The following PTCD1 variants were observed in gnomAD, a reference collection of about 807,000 sequenced individuals.
PTCD1 encodes the protein pentatricopeptide repeat domain 1, also known as pentatricopeptide repeat-containing protein 1, mitochondrial.
PTCD1 carries 50 observed loss-of-function variants against 53.4 expected under a neutral mutation model. The observed-to-expected ratio is 0.94, with a 90% CI of 0.75 to 1.19. PTCD1 has a LOEUF of 1.19. Ranked by LOEUF, PTCD1 falls within the 50% of genes most tolerant of loss-of-function variation. PTCD1 has a pLI of 0.00. For synonymous variants in PTCD1, 413 were observed against 394.8 expected, an observed-to-expected ratio of 1.05 and a Z score of -0.55; for missense variants, 918 against 904.8, an observed-to-expected ratio of 1.01 and a Z score of -0.19.
At chr7:99,438,359 C>T (rs913785932) in intron 1 of PTCD1, among the ~76,000 whole-genome samples, 1 of 151,706 alleles carries the variant, frequency 6.6e-6, no homozygotes, top group Non-Finnish European at 1.5e-5. Flanking sequence ...TCCAGCTACT[C>T]GGGAGGCTGA....
At position 99,419,384 on chromosome 7, in the gene PTCD1, G is replaced by A. The variant is rs769597341; in HGVS notation, c.*583C>T. 1.2e-5 allele frequency: 19 copies of A among 1,612,902 alleles called. No homozygotes were observed. Among genetic ancestry groups the A allele is most frequent in the Admixed American group, 5.0e-5 (3 of 59,990 alleles). On this transcript the variant is annotated 3_prime_UTR_variant, in exon 8 of 8. Transcript: ENST00000292478. ...TGGCATCGTCTCACTGTCCTCCTCC[G>A]TTGCAGGGCCGCATCATCGAGTGCA...
At chr7:99,425,992 G>T (rs1584457112) in intron 5 of PTCD1, among the ~76,000 whole-genome samples, 1 of 152,316 alleles carries the variant, frequency 6.6e-6, no homozygotes, top group East Asian at 1.9e-4. Context: ...CTTGAACCCA[G>T]AGATCGAGGT....
At chr7:99,432,479 T>C (rs1796296948) in intron 3 of PTCD1, among the ~76,000 whole-genome samples, 1 of 152,198 alleles carries the variant, frequency 6.6e-6, no homozygotes, top group African/African-American at 2.4e-5. Flanking sequence ...CATATTTTCC[T>C]GCTGACCCTC....
In PTCD1 at chr7:99,434,774, C is replaced by G; in HGVS notation, c.453+16G>C. On this transcript the variant is annotated intron_variant, in intron 2 of 7. Transcript: ENST00000292478. Reference sequence around the variant, plus strand: ...GGAAAGAAGCCAGGAGCCACAGAACCCAAAGTGCCCCTTACCTTCCCTTCC... The same window carrying G: ...GGAAAGAAGCCAGGAGCCACAGAACGCAAAGTGCCCCTTACCTTCCCTTCC... The G allele has an allele frequency of 6.2e-7, 1 of 1,613,592 alleles. No homozygotes were observed. The highest frequency in any genetic ancestry group is 1.3e-5 in the African/African-American group (1 of 74,984).
At position 99,419,973 on chromosome 7, in the gene PTCD1, G is replaced by A. The variant is rs778903715; in HGVS notation, c.2097C>T (p.Gly699=). Residue 699 remains glycine (G), a synonymous_variant, in exon 8 of 8, where the codon GGC becomes GGT. Coordinates refer to ENST00000292478, the MANE Select transcript of PTCD1 (RefSeq NM_015545.4). ...KEADDGCALG[G]R ...TGTTCCAGCTGTGCTCCCATCACCT[G>A]CCCCCAAGGGCACATCCGTCATCAG... 11 of 1,614,070 alleles carry A rather than the reference G, an allele frequency of 6.8e-6. No homozygotes were observed. Among genetic ancestry groups the A allele is most frequent in the Non-Finnish European group, 8.5e-6 (10 of 1,180,040 alleles).
intron 2 of PTCD1, among the ~76,000 whole-genome samples, chr7:99,433,878 C>A (rs1207461900): frequency 6.6e-6 from 1 of 151,652 alleles, no homozygotes; most frequent in Non-Finnish European, 1.5e-5. Flanking sequence ...ATGGTGAAAC[C>A]CCGTCTCTAC....
At chr7:99,433,467 C>T in intron 2 of PTCD1, 49 bp from the exon 3 acceptor site, 1 of 1,613,336 alleles carries the variant, frequency 6.2e-7, no homozygotes, top group Non-Finnish European at 8.5e-7. Context: ...CCCCAGAGAC[C>T]CTCAGCAGAG....
Position 99,419,663 on chromosome 7 carries a change from G to T in PTCD1, c.*304C>A. On this transcript the variant is annotated 3_prime_UTR_variant, in exon 8 of 8. Transcript: ENST00000292478. ...AGCATCGGCCTATGGAACCCGGCGG[G>T]GCGGCCCAGGCCCCAGGGACCAGAT... 1.4e-6 allele frequency: 1 copy of T among 714,158 alleles called. No individual in the cohort carries two copies. Among genetic ancestry groups the T allele is most frequent in the Admixed American group, 2.9e-5 (1 of 34,904 alleles). The allele number at this position is 714,158 out of a possible 1,614,324, so 44.2% of individuals were successfully genotyped here.
At chr7:99,429,873 C>CAGAGG in intron 3 of PTCD1, 67 bp from the exon 4 acceptor site, 2 of 1,594,826 alleles carry the variant, frequency 1.3e-6, no homozygotes, top group South Asian at 1.1e-5. Context: ...GCAGCTGCCC[C>CAGAGG]AGAGGAGGCT....
chr7:99,428,364 C>T (rs1409428634), intron 5 of PTCD1, among the ~76,000 whole-genome samples: 1 of 144,396 alleles, frequency 6.9e-6, no homozygotes, highest in Non-Finnish European at 1.5e-5. Flanking sequence ...GATCATGCCA[C>T]TGTACTCCAG....
intron 2 of PTCD1, 43 bp downstream of exon 2, chr7:99,434,747 G>C (rs1210947843): frequency 1.2e-6 from 2 of 1,611,976 alleles, no homozygotes; most frequent in Non-Finnish European, 8.5e-7. Context: ...TGAGCCACCA[G>C]GGGAAAGAAG....
intron 2 of PTCD1, 132 bp downstream of exon 2, chr7:99,434,658 C>T: frequency 2.7e-6 from 3 of 1,121,368 alleles, no homozygotes; most frequent in Non-Finnish European, 4.0e-6. Flanking sequence ...GCGATACTTA[C>T]AGCCATAAGG....
chr7:99,435,360 C>A (rs1796420207), intron 1 of PTCD1, 92 bp from the exon 2 acceptor site: 3 of 1,505,774 alleles, frequency 2.0e-6, no homozygotes, highest in Non-Finnish European at 1.8e-6. Context: ...GGGCCCAGGC[C>A]AGGCGCGGTG....
Position 99,423,799 on chromosome 7 carries a change from G to C in PTCD1, c.1896C>G (p.Ala632=). 6 of 1,614,124 alleles carry C rather than the reference G, an allele frequency of 3.7e-6. No individual in the cohort carries two copies. Among genetic ancestry groups the C allele is most frequent in the Non-Finnish European group, 5.1e-6 (6 of 1,180,032 alleles). ...EVVIRQLEFA[A]QYPPTFDRYQ... ...CCCGGTCAAAGGTGGGAGGGTACTG[G>C]GCTGCAAACTCCAGCTGGCGGATGA... Residue 632 remains alanine (A), a synonymous_variant, in exon 7 of 8, where the codon GCC becomes GCG. Coordinates refer to ENST00000292478, the MANE Select transcript of PTCD1 (RefSeq NM_015545.4).
rs555750777 is a variant in PTCD1, at chr7:99,425,521, G to C, written c.1011C>G (p.Pro337=). 3 of 1,612,294 alleles carry C rather than the reference G, an allele frequency of 1.9e-6. No homozygotes were observed. The highest frequency in any genetic ancestry group is 2.7e-5 in the African/African-American group (2 of 75,032). Residue 337 remains proline, a synonymous_variant, in exon 6 of 8, where the codon CCC becomes CCG. Coordinates refer to ENST00000292478, the MANE Select transcript of PTCD1 (RefSeq NM_015545.4). ...VAARDCGLGD[P]QVASELLLKP... ...TCAGAAGCAGCTCTGAGGCCACCTG[G>C]GGGTCCCCTAGGCCACAGTCCCGAG...
Position 99,417,144 on chromosome 7 carries a change from C to A in PTCD1, c.*2823G>T, listed in dbSNP as rs148052635. On this transcript the variant is annotated 3_prime_UTR_variant, in exon 8 of 8. Transcript: ENST00000292478. The stretch of plus-strand genomic sequence containing the variant: ...CGACCTCAGGTCACTACAACCTCCG[C>A]CTCCTGGGTTCAAGTGATTCTCCTG... The A allele has an allele frequency of 0.05, 17,386 of 350,502 alleles. 2,540 individuals are homozygous for A. The highest frequency in any genetic ancestry group is 0.32 in the African/African-American group (14,769 of 45,682). 21.7% of individuals were successfully genotyped at this position (350,502 alleles called of 1,614,324 possible). A position where few individuals can be genotyped will look rare whatever the true frequency, so the allele number is the denominator to read the frequency against.
In PTCD1 at chr7:99,419,138, G is replaced by T; in HGVS notation, c.*829C>A. On this transcript the variant is annotated 3_prime_UTR_variant, in exon 8 of 8. Coordinates refer to ENST00000292478, the MANE Select transcript of PTCD1 (RefSeq NM_015545.4). Reference sequence around the variant, plus strand: ...TCACACCGATTTCTTTTTCTTGATTGGCAAACGTGTGTTGGATTTGCAGAA... The same window carrying T: ...TCACACCGATTTCTTTTTCTTGATTTGCAAACGTGTGTTGGATTTGCAGAA... 1 of 546,624 alleles carries T rather than the reference G, an allele frequency of 1.8e-6. No homozygotes were observed. The highest frequency in any genetic ancestry group is 3.3e-6 in the Non-Finnish European group (1 of 304,638). The allele number at this position is 546,624 out of a possible 1,614,324, so 33.9% of individuals were successfully genotyped here. A position where few individuals can be genotyped will look rare whatever the true frequency, so the allele number is the denominator to read the frequency against.
At chr7:99,425,694 C>G in intron 5 of PTCD1, 78 bp from the exon 6 acceptor site, 1 of 1,529,108 alleles carries the variant, frequency 6.5e-7, no homozygotes, top group Non-Finnish European at 8.8e-7. Flanking sequence ...GGAATCCCAG[C>G]ACCTTGGGAG....
At chr7:99,430,483 C>G (rs763128112) in intron 3 of PTCD1, among the ~76,000 whole-genome samples, 1 of 152,218 alleles carries the variant, frequency 6.6e-6, no homozygotes, top group Non-Finnish European at 1.5e-5. Context: ...CAGAAAGAAC[C>G]CTGCTAGAGT....
Sources: allele counts gnomAD v4.1 joint callset (sites outside exome capture counted in the v4.1 genomes callset), GRCh38; gene constraint gnomAD v4.1.1; transcripts MANE v1.5; gene names NCBI Gene and HGNC (gene_info 2026-07-23, HGNC 2026-07-21).